DST: variants seen among roughly 807,000 people sequenced by gnomAD.
DST encodes the protein dystonin, also known as bullous pemphigoid antigen.
Under a neutral mutation model 875.2 loss-of-function variants are expected in DST, and 253 were observed. That is an observed-to-expected ratio of 0.29 (90% CI 0.26 to 0.32). The LOEUF (loss-of-function observed/expected upper bound fraction) is 0.32, where lower values mean the gene tolerates loss of function less well. DST is among the 10% of genes least tolerant of loss of function. DST has a pLI of 1.00. For missense variants in DST, 8,287 were observed against 9,111.6 expected (o/e 0.91, Z 3.68); for synonymous variants, 3,124 against 3,197.1 (o/e 0.98, Z 0.77).
At chr6:56,806,216 A>C in intron 4 of DST, among the ~76,000 whole-genome samples, 1 of 152,332 alleles carries the variant, frequency 6.6e-6, no homozygotes, top group Middle Eastern at 3.4e-3. Flanking sequence ...AAATTTAAAA[A>C]TATATATTCT....
chr6:56,719,842 A>C (rs1235355097), intron 5 of DST, among the ~76,000 whole-genome samples: 4 of 152,196 alleles, frequency 2.6e-5, no homozygotes, highest in Non-Finnish European at 5.9e-5. Context: ...TCAAAAGGGG[A>C]AGGAGTGTAC....
rs780392895 is a variant in DST, at chr6:56,607,188, T to C, written c.7440A>G (p.Gln2480=). 1.2e-6 allele frequency: 2 copies of C among 1,613,494 alleles called. No homozygotes were observed. The highest frequency in any genetic ancestry group is 2.2e-5 in the South Asian group (2 of 91,078). The part of the protein sequence containing the change: ...SFSDKTMLSG[Q]RIGEKFQDQF... ...GGTCTTGAAATTTTTCTCCTATTCT[T>C]TGACCTGACAACATGGTTTTGTCAC... Residue 2480 remains glutamine (Q), a synonymous_variant, in exon 40 of 104, where the codon CAA becomes CAG. Transcript: ENST00000680361.
At chr6:56,627,311 CA>C in intron 33 of DST, 24 bp from the exon 34 acceptor site, 8 of 1,529,012 alleles carry the variant, frequency 5.2e-6, no homozygotes, top group Non-Finnish European at 4.5e-6. Flanking sequence ...CAGTTTAGAA[CA>C]AAAATGACAA....
chr6:56,780,315 C>T lies in DST; in HGVS notation c.626-45026G>A, dbSNP rs368917333. Reference sequence around the variant, plus strand: ...GGAATCGCCACACTGTCTTCCACAACGGTTGAACTAGTTTACAGTCCCACC... The same window carrying T: ...GGAATCGCCACACTGTCTTCCACAATGGTTGAACTAGTTTACAGTCCCACC... On this transcript the variant is annotated intron_variant, in intron 4 of 103. Transcript: ENST00000680361. Among the ~76,000 whole-genome samples the T allele has an allele frequency of 5.5e-4, 84 of 151,988 alleles. 1 individual carries two copies. The East Asian group carries it at 0.012, about 21-fold the overall frequency.
intron 37 of DST, among the ~76,000 whole-genome samples, chr6:56,613,616 G>A (rs1435429578): frequency 2.6e-5 from 4 of 152,114 alleles, no homozygotes; most frequent in Non-Finnish European, 5.9e-5. Context: ...TATCTTAGCG[G>A]AAATTTATTT....
chr6:56,939,558 A>G (rs1271022682), intron 2 of DST, among the ~76,000 whole-genome samples: 1 of 152,196 alleles, frequency 6.6e-6, no homozygotes, highest in East Asian at 1.9e-4. Context: ...GATAAGAAAA[A>G]TTACTTACAT....
chr6:56,819,732 T>G (rs536243782), intron 4 of DST, among the ~76,000 whole-genome samples: 448 of 152,346 alleles, frequency 2.9e-3, no homozygotes, highest in Non-Finnish European at 4.5e-3. Flanking sequence ...AGAGGCACTC[T>G]GCAAGGGTTG....
intron 10 of DST, among the ~76,000 whole-genome samples, chr6:56,661,786 C>T (rs2099043727): frequency 6.6e-6 from 1 of 152,144 alleles, no homozygotes; most frequent in African/African-American, 2.4e-5. Flanking sequence ...CGCCGTTTCT[C>T]CATGTTGGCC....
chr6:56,527,611 A>T lies in DST; in HGVS notation c.17804T>A (p.Leu5935Gln), dbSNP rs763300533. 1.9e-5 allele frequency: 31 copies of T among 1,613,738 alleles called. No individual in the cohort carries two copies. The highest frequency in any genetic ancestry group is 2.5e-5 in the Non-Finnish European group (30 of 1,179,854). ...LEQALQLARR[L>Q]HSTHEELCTW... ...ACACAGCTCTTCGTGTGTGGAGTGCAGCCGCCTTGCAAGCTGCAGCGCCTG... is the reference window on the plus strand; with the variant it reads ...ACACAGCTCTTCGTGTGTGGAGTGCTGCCGCCTTGCAAGCTGCAGCGCCTG... The change falls in exon 68 of 104, where the codon CTG (leucine) becomes CAG (glutamine). Residue 5935 changes from leucine (L) to glutamine (Q), a missense_variant. This residue lies in a region of DST where 777 missense variants were observed against 764.8 expected (regional missense o/e 1.02). Coordinates refer to ENST00000680361, the MANE Select transcript of DST (RefSeq NM_001374736.1).
intron 97 of DST, 65 bp downstream of exon 97, chr6:56,469,818 C>A (rs1463741624): frequency 1.8e-5 from 25 of 1,380,346 alleles, no homozygotes; most frequent in Non-Finnish European, 2.4e-5. Flanking sequence ...CAATGGAGAT[C>A]AAATTGTATA....
At chr6:56,555,021 T>C (rs2097385765) in intron 60 of DST, among the ~76,000 whole-genome samples, 1 of 152,260 alleles carries the variant, frequency 6.6e-6, no homozygotes, top group African/African-American at 2.4e-5. Context: ...TAACTATTCA[T>C]GTTTTTTTCT....
chr6:56,583,417 T>C (rs1317692708), intron 49 of DST, among the ~76,000 whole-genome samples: 2 of 152,220 alleles, frequency 1.3e-5, no homozygotes, highest in African/African-American at 2.4e-5. Context: ...TCTGTTCATA[T>C]CCTTTGCCCA....
Position 56,569,933 on chromosome 6 carries a change from C to A in DST, c.13801G>T (p.Glu4601Ter). 6.2e-7 allele frequency: 1 copy of A among 1,611,022 alleles called. No homozygotes were observed. The highest frequency in any genetic ancestry group is 8.5e-7 in the Non-Finnish European group (1 of 1,178,870). ...ACAATGGGAACTTTTTTTGTTGTTTCTTTTATCCATGACTTCAATGATTTA... is the reference window on the plus strand; with the variant it reads ...ACAATGGGAACTTTTTTTGTTGTTTATTTTATCCATGACTTCAATGATTTA... ...LVKSLKSWIK[E>*]TTKKVPIVQP... The change falls in exon 54 of 104, where the codon GAA (glutamate) becomes TAA (stop). Residue 4601 changes from glutamate to a stop codon, truncating the protein, a stop_gained. Coordinates refer to ENST00000680361, the MANE Select transcript of DST (RefSeq NM_001374736.1). LOFTEE classifies it high-confidence loss of function.
At chr6:56,872,755 G>C (rs935721703) in intron 3 of DST, among the ~76,000 whole-genome samples, 1 of 150,672 alleles carries the variant, frequency 6.6e-6, no homozygotes. Flanking sequence ...TTATCAGATA[G>C]ATAGAAAGAT....
chr6:56,525,968 AAC>A (rs770304769), intron 69 of DST, among the ~76,000 whole-genome samples: 3 of 152,224 alleles, frequency 2.0e-5, no homozygotes, highest in Non-Finnish European at 4.4e-5. Flanking sequence ...TCTGTAAATG[AAC>A]AGTTAATACT....
intron 4 of DST, among the ~76,000 whole-genome samples, chr6:56,751,873 T>C (rs2099588169): frequency 6.6e-6 from 1 of 152,140 alleles, no homozygotes; most frequent in East Asian, 1.9e-4. Context: ...AGGGATATTA[T>C]AGAATTTTAA....
intron 5 of DST, among the ~76,000 whole-genome samples, chr6:56,725,308 A>G (rs1304644962): frequency 6.6e-6 from 1 of 152,168 alleles, no homozygotes; most frequent in East Asian, 1.9e-4. Context: ...TACCCTGTTG[A>G]CCTTCCTATG....
intron 83 of DST, 145 bp downstream of exon 83, chr6:56,493,865 A>C (rs183372015): frequency 4.8e-5 from 27 of 557,880 alleles, no homozygotes; most frequent in Admixed American, 4.7e-4. Flanking sequence ...CAACTACCCC[A>C]TGAAATCTCC....
intron 2 of DST, among the ~76,000 whole-genome samples, chr6:56,907,959 AT>A (rs1289569463): frequency 6.6e-6 from 1 of 152,108 alleles, no homozygotes; most frequent in African/African-American, 2.4e-5. Flanking sequence ...AATCCCAGCT[AT>A]TTGGAAGGCT....
Sources: gnomAD v4.1 joint callset for allele counts (sites outside exome capture counted in the v4.1 genomes callset) on GRCh38, gnomAD v4.1.1 for gene constraint, gnomAD v4.1.1 regional missense constraint, MANE v1.5 for transcripts, NCBI Gene and HGNC (gene_info 2026-07-23, HGNC 2026-07-21) for gene names.